Variants in ELF2 observed in about 807,000 individuals in gnomAD.
ELF2 encodes the protein ETS-related transcription factor Elf-2.
In ELF2, 11 loss-of-function variants were observed where a neutral mutation model predicts 54.8. The ratio of observed to expected loss-of-function variants is 0.20; its 90% CI spans 0.13 to 0.33. The LOEUF (loss-of-function observed/expected upper bound fraction) is 0.33, where lower values mean the gene tolerates loss of function less well. ELF2 is among the 10% of genes least tolerant of loss of function. The probability of loss-of-function intolerance (pLI) is 1.00; values close to 1 mark genes in which losing one functional copy is unlikely to be tolerated. For synonymous variants in ELF2, 203 were observed against 245.1 expected, an observed-to-expected ratio of 0.83 and a Z score of 1.61; for missense variants, 513 against 703.0, an observed-to-expected ratio of 0.73 and a Z score of 3.06.
rs1168671457 is a variant in ELF2, at chr4:139,084,068, C to A, written c.239-10501G>T. On this transcript the variant is annotated intron_variant, in intron 4 of 9. Transcript: ENST00000686138. ...CACAGACTGCTACAGGGGAGTCACC[C>A]CGCCTTCTGTGCACCCCCTCTCCTG... is the stretch of plus-strand genomic sequence containing the variant. The A allele has an allele frequency of 4.3e-6, 7 of 1,609,792 alleles. No individual in the cohort carries two copies. The South Asian group carries it at 7.7e-5, about 18-fold the overall frequency.
chr4:139,133,406 G>C (rs1737753834), intron 3 of ELF2, among the ~76,000 whole-genome samples: 1 of 152,018 alleles, frequency 6.6e-6, no homozygotes, highest in Admixed American at 6.6e-5. Flanking sequence ...ACGTTCCATT[G>C]ATCTACATGT....
intron 4 of ELF2, among the ~76,000 whole-genome samples, chr4:139,083,113 G>A (rs907872015): frequency 6.6e-6 from 1 of 152,040 alleles, no homozygotes; most frequent in African/African-American, 2.4e-5. Context: ...AGAGCAGATT[G>A]GAACCAGAGG....
intron 4 of ELF2, among the ~76,000 whole-genome samples, chr4:139,107,112 A>G (rs1008195379): frequency 6.6e-6 from 1 of 152,200 alleles, no homozygotes; most frequent in African/African-American, 2.4e-5. Flanking sequence ...ATATTTTAAA[A>G]CAATGCTCCG....
intron 1 of ELF2, among the ~76,000 whole-genome samples, chr4:139,140,727 C>A (rs1050612557): frequency 1.3e-5 from 2 of 150,774 alleles, no homozygotes; most frequent in African/African-American, 4.9e-5. Context: ...GCACTCAAGC[C>A]TGGGTGACAG....
rs1203847545 is a variant in ELF2, at chr4:139,058,722, G to T, written c.*261C>A. ...AACTTGATATCGTAGTGAGCTGCTT[G>T]GTCCCTTTCGATCCTTTTTCTTATT... On this transcript the variant is annotated 3_prime_UTR_variant, in exon 10 of 10. Coordinates refer to ENST00000686138, the MANE Select transcript of ELF2 (RefSeq NM_001331036.3). 1.0e-5 allele frequency: 4 copies of T among 399,922 alleles called. No homozygotes were observed. In the South Asian group the frequency reaches 1.2e-4, roughly 12 times the overall value. The allele number at this position is 399,922 out of a possible 1,614,324, so 24.8% of individuals were successfully genotyped here.
chr4:139,139,636 G>T (rs1738512304), intron 1 of ELF2, 139 bp from the exon 2 acceptor site: 1 of 353,578 alleles, frequency 2.8e-6, no homozygotes, highest in Non-Finnish European at 4.6e-6. Context: ...TTCACATAAG[G>T]AATATAATAA....
At chr4:139,093,017 G>A (rs1238229808) in intron 4 of ELF2, among the ~76,000 whole-genome samples, 1 of 148,144 alleles carries the variant, frequency 6.8e-6, no homozygotes, top group Non-Finnish European at 1.5e-5. Context: ...CCAGGTTGGA[G>A]TGCAGTGGCG....
At chr4:139,125,036 A>C in intron 4 of ELF2, 128 bp downstream of exon 4, 1 of 1,099,308 alleles carries the variant, frequency 9.1e-7, no homozygotes, top group South Asian at 1.9e-5. Context: ...TAGATGTTTC[A>C]CTGGTTTCCA....
chr4:139,064,889 AAAC>A (rs1728458279), intron 7 of ELF2, among the ~76,000 whole-genome samples: 1 of 152,134 alleles, frequency 6.6e-6, no homozygotes, highest in Non-Finnish European at 1.5e-5. Flanking sequence ...TCAAAAAACA[AAAC>A]AAAACAAAAC....
chr4:139,069,615 T>C (rs1008720725), intron 6 of ELF2, among the ~76,000 whole-genome samples: 13 of 151,840 alleles, frequency 8.6e-5, no homozygotes, highest in African/African-American at 3.2e-4. Context: ...GGTTCTATAG[T>C]CATATTAACT....
At chr4:139,134,114 T>A (rs1364278896) in intron 3 of ELF2, among the ~76,000 whole-genome samples, 6 of 152,236 alleles carry the variant, frequency 3.9e-5, no homozygotes, top group Non-Finnish European at 8.8e-5. Context: ...AGATTCACTT[T>A]ACCAGGCTGA....
chr4:139,148,449 T>C (rs951624218), intron 1 of ELF2, among the ~76,000 whole-genome samples: 1 of 150,746 alleles, frequency 6.6e-6, no homozygotes, highest in African/African-American at 2.4e-5. Context: ...AGTGCTGTGA[T>C]TGCAGGCCTG....
At chr4:139,115,389 C>T in intron 4 of ELF2, 1 of 1,019,748 alleles carries the variant, frequency 9.8e-7, no homozygotes. Context: ...GCCGCCGGGG[C>T]CACGTGCGCG....
chr4:139,106,918 T>C (rs1312292108), intron 4 of ELF2, among the ~76,000 whole-genome samples: 2 of 151,724 alleles, frequency 1.3e-5, no homozygotes, highest in African/African-American at 4.8e-5. Flanking sequence ...TATTTTTTTT[T>C]TGTATTTAGC....
chr4:139,136,996 C>T (rs1560854386), intron 3 of ELF2: 2 of 152,184 alleles, frequency 1.3e-5, no homozygotes, highest in African/African-American at 2.4e-5. Flanking sequence ...ATGCTAAGAA[C>T]AGAAGCCAGG....
chr4:139,092,483 C>T (rs1398798388), intron 4 of ELF2, among the ~76,000 whole-genome samples: 1 of 125,520 alleles, frequency 8.0e-6, no homozygotes, highest in African/African-American at 3.0e-5. Context: ...TAGGGCCGGG[C>T]GCGGTGGCTC....
In ELF2 at chr4:139,073,338, G is replaced by A. The variant is rs756896147; in HGVS notation, c.352+116C>T. 2.3e-4 allele frequency: 129 copies of A among 555,682 alleles called. 1 individual carries two copies. Among genetic ancestry groups the A allele is most frequent in the Non-Finnish European group, 1.7e-4 (56 of 330,534 alleles). The allele number at this position is 555,682 out of a possible 1,614,324, so 34.4% of individuals were successfully genotyped here. A position where few individuals can be genotyped will look rare whatever the true frequency, so the allele number is the denominator to read the frequency against. The stretch of plus-strand genomic sequence containing the variant: ...AATTACTGCTGTCATGTATTCATGT[G>A]TAATGTACCTTTGAGAATTCCCAAC... On this transcript the variant is annotated intron_variant, in intron 5 of 9. Coordinates refer to ENST00000686138, the MANE Select transcript of ELF2 (RefSeq NM_001331036.3).
intron 3 of ELF2, among the ~76,000 whole-genome samples, chr4:139,128,303 C>G (rs1737141037): frequency 6.6e-6 from 1 of 151,872 alleles, no homozygotes; most frequent in African/African-American, 2.4e-5. Context: ...ATATTAAACT[C>G]TCATTTCTTT....
chr4:139,147,629 G>A (rs867535339), intron 1 of ELF2, among the ~76,000 whole-genome samples: 7 of 151,712 alleles, frequency 4.6e-5, no homozygotes, highest in African/African-American at 7.3e-5. Context: ...CTGCCACTGC[G>A]CCCAGCTAAT....
Sources: gnomAD v4.1 joint callset for allele counts (sites outside exome capture counted in the v4.1 genomes callset) on GRCh38, gnomAD v4.1.1 for gene constraint, MANE v1.5 for transcripts, NCBI Gene and HGNC (gene_info 2026-07-23, HGNC 2026-07-21) for gene names.